CYP7A1: variants seen among roughly 807,000 people sequenced by gnomAD.
CYP7A1 encodes the protein cytochrome P450 family 7 subfamily A member 1.
A neutral mutation model predicts 43.8 loss-of-function variants in CYP7A1; 28 were observed. The observed-to-expected ratio is 0.64, with a 90% confidence interval of 0.47 to 0.88. The LOEUF (loss-of-function observed/expected upper bound fraction) is 0.88. CYP7A1 is among the 40% of genes least tolerant of loss of function. The pLI, the probability that CYP7A1 is intolerant of heterozygous loss-of-function variation, is 0.00. For synonymous variants in CYP7A1, 227 were observed against 222.5 expected (o/e 1.02, Z -0.18); for missense variants, 637 against 611.9 (o/e 1.04, Z -0.43).
rs752576478 is a variant in CYP7A1, at chr8:58,492,506, C to T, written c.1062G>A (p.Leu354=). ...PVLDSIIKES[L]RLSSASLNIR... The stretch of plus-strand genomic sequence containing the variant: ...TGTTGAGGGAGGCACTGGAAAGCCT[C>T]AGCGATTCCTTGATTATACTATCTA... The change falls in exon 5 of 6, where the codon CTG becomes CTA. Residue 354 remains leucine, a synonymous_variant. Coordinates refer to ENST00000301645, the MANE Select transcript of CYP7A1 (RefSeq NM_000780.4). The T allele has an allele frequency of 1.3e-5, 21 of 1,613,632 alleles. No homozygotes were observed. In the South Asian group the frequency reaches 2.2e-4, roughly 17 times the overall value.
At chr8:58,495,090 T>C (rs2129605841) in intron 3 of CYP7A1, among the ~76,000 whole-genome samples, 1 of 151,018 alleles carries the variant, frequency 6.6e-6, no homozygotes, top group South Asian at 2.1e-4. Context: ...GCCATGATCG[T>C]GCCACTGCAT....
At chr8:58,497,860 C>T (rs754483545) in intron 2 of CYP7A1, among the ~76,000 whole-genome samples, 1 of 152,122 alleles carries the variant, frequency 6.6e-6, no homozygotes, top group Non-Finnish European at 1.5e-5. Context: ...CTGTGTGGCA[C>T]AAGTGTGGTG....
chr8:58,492,070 G>C (rs1391806108), intron 5 of CYP7A1, among the ~76,000 whole-genome samples: 1 of 152,064 alleles, frequency 6.6e-6, no homozygotes, highest in Non-Finnish European at 1.5e-5. Flanking sequence ...CCAATTTCCT[G>C]GATTTGGGAG....
chr8:58,491,566 T>C lies in CYP7A1; in HGVS notation c.1424A>G (p.Lys475Arg), dbSNP rs1374163646. ...FELELIEGQA[K>R]CPPLDQSRAG... ...CCGGGACTGGTCCAAAGGTGGACAT[T>C]TAGCTTGGCCCTCTATAAGCTCCAA... is the stretch of plus-strand genomic sequence containing the variant. Residue 475 changes from lysine (K) to arginine (R), a missense_variant, in exon 6 of 6, where the codon AAA becomes AGA. Lys to Arg is a conservative substitution (Grantham distance 26, BLOSUM62 2). Transcript: ENST00000301645. 3 of 1,614,094 alleles carry C rather than the reference T, an allele frequency of 1.9e-6. No individual in the cohort carries two copies. Among genetic ancestry groups the C allele is most frequent in the African/African-American group, 2.7e-5 (2 of 74,928 alleles).
rs569592628 is a variant in CYP7A1, at chr8:58,498,502, G to A, written c.81-33C>T. ...ACACAAGTGTATGATAGACATGGAT[G>A]ATTACAGTTTTGGGTTTTTACTTAC... On this transcript the variant is annotated intron_variant, in intron 1 of 5. Coordinates refer to ENST00000301645, the MANE Select transcript of CYP7A1 (RefSeq NM_000780.4). 11 of 1,613,186 alleles carry A rather than the reference G, an allele frequency of 6.8e-6. No homozygotes were observed. The East Asian group carries it at 2.0e-4, about 29-fold the overall frequency.
At chr8:58,493,373 A>G (rs1365053654) in intron 4 of CYP7A1, among the ~76,000 whole-genome samples, 1 of 152,164 alleles carries the variant, frequency 6.6e-6, no homozygotes, top group Non-Finnish European at 1.5e-5. Context: ...TCCATATACT[A>G]TCTGATGCTG....
In CYP7A1 at chr8:58,490,325, T is replaced by A. The variant is rs1048291925; in HGVS notation, c.*1150A>T. ...GAAATATCAATTGACATAGAGCTGA[T>A]AACTCATACTTAAAATATTTTATCA... On this transcript the variant is annotated 3_prime_UTR_variant, in exon 6 of 6. Coordinates refer to ENST00000301645, the MANE Select transcript of CYP7A1 (RefSeq NM_000780.4). 2 of 152,198 alleles carry A rather than the reference T, an allele frequency of 1.3e-5. No homozygotes were observed. Among genetic ancestry groups the A allele is most frequent in the African/African-American group, 2.4e-5 (1 of 41,466 alleles). 9.4% of individuals were successfully genotyped at this position (152,198 alleles called of 1,614,324 possible). A position where few individuals can be genotyped will look rare whatever the true frequency, so the allele number is the denominator to read the frequency against.
intron 4 of CYP7A1, among the ~76,000 whole-genome samples, 166 bp from the exon 5 acceptor site, chr8:58,492,694 A>G (rs1305416315): frequency 3.3e-5 from 5 of 152,234 alleles, no homozygotes; most frequent in Non-Finnish European, 5.9e-5. Context: ...CTGATCAGAT[A>G]AAAATTTCCC....
intron 3 of CYP7A1, among the ~76,000 whole-genome samples, chr8:58,495,858 C>T (rs529798851): frequency 1.1e-4 from 17 of 152,304 alleles, no homozygotes; most frequent in Admixed American, 9.8e-4. Context: ...AGAAATTTGG[C>T]ATTCCCAATC....
In CYP7A1 at chr8:58,494,565, C is replaced by G; in HGVS notation, c.980G>C (p.Ser327Thr). The G allele has an allele frequency of 6.2e-7, 1 of 1,614,092 alleles. No individual in the cohort carries two copies. The highest frequency in any genetic ancestry group is 8.5e-7 in the Non-Finnish European group (1 of 1,179,978). The part of the protein sequence containing the change: ...RTLENAGQKV[S>T]LEGNPICLSQ... Reference sequence around the variant, plus strand: ...CAAACAAATAGGATTGCCTTCCAAGCTGACTTTTTGACCAGCATTCTCTAA... The same window carrying G: ...CAAACAAATAGGATTGCCTTCCAAGGTGACTTTTTGACCAGCATTCTCTAA... The change falls in exon 4 of 6, where the codon AGC becomes ACC. Residue 327 changes from serine to threonine, a missense_variant. Transcript: ENST00000301645.
rs1311330677 is a variant in CYP7A1 at position 58,494,533 on chromosome 8, C to T, written c.1012G>A (p.Ala338Thr). Reference protein sequence around the residue: ...LEGNPICLSQAELNDLPVLDS... With the variant: ...LEGNPICLSQTELNDLPVLDS... ...AATACTGGCAGGTCATTCAGTTCTG[C>T]TTGACTCAAACAAATAGGATTGCCT... Residue 338 changes from alanine (A) to threonine (T), a missense_variant, in exon 4 of 6, where the codon GCA becomes ACA. Ala to Thr is a moderately conservative substitution (Grantham distance 58). Transcript: ENST00000301645. The T allele has an allele frequency of 3.1e-6, 5 of 1,614,076 alleles. No individual in the cohort carries two copies. In the South Asian group the frequency reaches 3.3e-5, roughly 11 times the overall value.
Position 58,492,527 on chromosome 8 carries a change from A to G in CYP7A1, c.1041T>C (p.Asp347=). 1 of 1,611,368 alleles carries G rather than the reference A, an allele frequency of 6.2e-7. No individual in the cohort carries two copies. Among genetic ancestry groups the G allele is most frequent in the East Asian group, 2.2e-5 (1 of 44,864 alleles). ...GCCTCAGCGATTCCTTGATTATACT[A>G]TCTAAACATTTTAAAAGAAAAAAAG... The part of the protein sequence containing the change: ...QAELNDLPVL[D]SIIKESLRLS... Residue 347 remains aspartate (D), a splice_region_variant and synonymous_variant, in exon 5 of 6, where the codon GAT becomes GAC. Transcript: ENST00000301645.
intron 2 of CYP7A1, 151 bp downstream of exon 2, chr8:58,498,078 A>C (rs146198375): frequency 1.2e-6 from 1 of 859,308 alleles, no homozygotes; most frequent in African/African-American, 1.7e-5. Context: ...AGCTACGTAT[A>C]ATTTATTTAT....
Position 58,496,883 on chromosome 8 carries a change from T to C in CYP7A1, c.629A>G (p.Lys210Arg). The change falls in exon 3 of 6, where the codon AAG becomes AGG. Residue 210 changes from lysine to arginine, a missense_variant. Transcript: ENST00000301645. ...AHILNNLDNF[K>R]QFDKVFPALV... The stretch of plus-strand genomic sequence containing the variant: ...GGCTGGAAAGACTTTGTCGAATTGC[T>C]TGAAGTTGTCAAGATTGTTTAGAAT... 3 of 1,614,248 alleles carry C rather than the reference T, an allele frequency of 1.9e-6. No homozygotes were observed. The highest frequency in any genetic ancestry group is 2.5e-6 in the Non-Finnish European group (3 of 1,180,042).
intron 1 of CYP7A1, among the ~76,000 whole-genome samples, chr8:58,499,401 T>A (rs189449882): frequency 6.6e-6 from 1 of 152,342 alleles, no homozygotes; most frequent in Non-Finnish European, 1.5e-5. Context: ...GTTCTGGATC[T>A]GACTGTATTT....
intron 5 of CYP7A1, among the ~76,000 whole-genome samples, 162 bp downstream of exon 5, chr8:58,492,191 C>T (rs1222176391): frequency 6.6e-6 from 1 of 152,148 alleles, no homozygotes; most frequent in Non-Finnish European, 1.5e-5. Flanking sequence ...AAAATTCAGA[C>T]CACTATCTAA....
In CYP7A1 at chr8:58,498,495, C is replaced by T. The variant is rs1585644992; in HGVS notation, c.81-26G>A. On this transcript the variant is annotated intron_variant, in intron 1 of 5. Coordinates refer to ENST00000301645, the MANE Select transcript of CYP7A1 (RefSeq NM_000780.4). ...CTGTCAGACACAAGTGTATGATAGACATGGATGATTACAGTTTTGGGTTTT... is the reference window on the plus strand; with the variant it reads ...CTGTCAGACACAAGTGTATGATAGATATGGATGATTACAGTTTTGGGTTTT... 3.1e-6 allele frequency: 5 copies of T among 1,613,588 alleles called. No homozygotes were observed. In the African/African-American group the frequency reaches 4.0e-5, roughly 13 times the overall value.
In CYP7A1 at chr8:58,494,905, G is replaced by A. The variant is rs528809426; in HGVS notation, c.909-269C>T. On this transcript the variant is annotated intron_variant, in intron 3 of 5. Transcript: ENST00000301645. ...AATCCCAGCACTTTGGGAGGCCGAG[G>A]CGGGCGGATCATGAGGTCAGGAGTT... Among the ~76,000 whole-genome samples the A allele has an allele frequency of 2.6e-4, 40 of 152,252 alleles. 2 individuals are homozygous for A. The South Asian group carries it at 8.1e-3, about 31-fold the overall frequency.
chr8:58,495,997 CAT>C (rs1278758104), intron 3 of CYP7A1, among the ~76,000 whole-genome samples: 6 of 152,130 alleles, frequency 3.9e-5, no homozygotes, highest in Admixed American at 6.5e-5. Context: ...TTATGTAAAA[CAT>C]ATGTTATTAC....
Sources: gnomAD v4.1 joint callset for allele counts (sites outside exome capture counted in the v4.1 genomes callset) on GRCh38, gnomAD v4.1.1 for gene constraint, MANE v1.5 for transcripts, NCBI Gene and HGNC (gene_info 2026-07-23, HGNC 2026-07-21) for gene names.